The following PCDHGA7 variants were observed in gnomAD, a reference collection of about 807,000 sequenced individuals.
The protein encoded by PCDHGA7 is protocadherin gamma-A7.
In PCDHGA7, 44 loss-of-function variants were observed where a neutral mutation model predicts 58.3. The observed-to-expected ratio is 0.75, with a 90% CI of 0.59 to 0.97. PCDHGA7 has a LOEUF of 0.97. Ranked by LOEUF, PCDHGA7 falls within the 50% of genes least tolerant of loss-of-function variation. The pLI is 0.00. For missense variants in PCDHGA7, 1,266 were observed against 1,188.7 expected, an observed-to-expected ratio of 1.06 and a Z score of -0.96; for synonymous variants, 516 against 504.2, an observed-to-expected ratio of 1.02 and a Z score of -0.31.
At position 141,432,595 on chromosome 5, in the gene PCDHGA7, C is replaced by G; in HGVS notation, c.2424+47272C>G. 6.2e-7 allele frequency: 1 copy of G among 1,613,756 alleles called. No individual in the cohort carries two copies. Among genetic ancestry groups the G allele is most frequent in the Admixed American group, 1.7e-5 (1 of 60,018 alleles). ...TGTCCTACCGTCTGCTCAAGGCCAG[C>G]GAGCCGGGACTCTTCTCGGTGGGTC... On this transcript the variant is annotated intron_variant, in intron 1 of 3. Transcript: ENST00000518325. This position sits in a 1 kb window ranked among gnomAD's most constrained non-coding sequence, Gnocchi z 6.0.
intron 1 of PCDHGA7, chr5:141,386,080 T>C (rs752371819): frequency 1.3e-5 from 2 of 152,248 alleles, no homozygotes; most frequent in Non-Finnish European, 2.9e-5. Flanking sequence ...GTTTTAGTGG[T>C]ACAGCCAGAT....
At chr5:141,445,805 A>G (rs2098478274) in intron 1 of PCDHGA7, among the ~76,000 whole-genome samples, 2 of 152,236 alleles carry the variant, frequency 1.3e-5, no homozygotes, top group South Asian at 4.1e-4. Flanking sequence ...GAAAATAAAT[A>G]GATGAAACTA....
intron 1 of PCDHGA7, among the ~76,000 whole-genome samples, chr5:141,455,138 T>C (rs1393664563): frequency 6.6e-6 from 1 of 151,028 alleles, no homozygotes; most frequent in Non-Finnish European, 1.5e-5. Context: ...TTACACTGTG[T>C]TAAATAAATA....
intron 1 of PCDHGA7, 42 bp downstream of exon 1, chr5:141,385,365 G>C: frequency 6.5e-7 from 1 of 1,539,374 alleles, no homozygotes; most frequent in Non-Finnish European, 8.7e-7. Flanking sequence ...GAATTTATTT[G>C]CATGATATTT....
intron 1 of PCDHGA7, chr5:141,405,320 C>A (rs1183399090): frequency 6.2e-7 from 1 of 1,614,188 alleles, no homozygotes; most frequent in South Asian, 1.1e-5. Flanking sequence ...GAAAAATGAG[C>A]CTTTGTGCGT....
intron 1 of PCDHGA7, among the ~76,000 whole-genome samples, chr5:141,466,800 C>T (rs189985735): frequency 6.6e-6 from 1 of 152,240 alleles, no homozygotes; most frequent in East Asian, 1.9e-4. Context: ...AAACTAGATC[C>T]TATTCAGACA....
At chr5:141,422,111 T>A (rs763658255) in intron 1 of PCDHGA7, 1 of 1,606,408 alleles carries the variant, frequency 6.2e-7, no homozygotes, top group Admixed American at 1.7e-5. Context: ...ATATTCCAAT[T>A]GGATTCACAA....
chr5:141,419,651 TC>T, intron 1 of PCDHGA7: 28 of 1,612,632 alleles, frequency 1.7e-5, no homozygotes, highest in Non-Finnish European at 2.3e-5. Flanking sequence ...GGACGCGGAC[TC>T]GGGGCACAAT....
chr5:141,488,450 C>T (rs2154581002), intron 1 of PCDHGA7, among the ~76,000 whole-genome samples: 1 of 152,314 alleles, frequency 6.6e-6, no homozygotes, highest in East Asian at 1.9e-4. Context: ...TCCTGGGTGA[C>T]CTGATTCAGC....
In PCDHGA7 at chr5:141,485,615, C is replaced by G; in HGVS notation, c.2425-9192C>G. ...CTTGGAAATTGGGGAGGCAGCTCCTCCAGGACAGCGTTTCCCGTTGGAAAA... is the reference window on the plus strand; with the variant it reads ...CTTGGAAATTGGGGAGGCAGCTCCTGCAGGACAGCGTTTCCCGTTGGAAAA... On this transcript the variant is annotated intron_variant, in intron 1 of 3. Coordinates refer to ENST00000518325, the MANE Select transcript of PCDHGA7 (RefSeq NM_018920.4). This position sits in a 1 kb window ranked among gnomAD's most constrained non-coding sequence, Gnocchi z 5.7. 6.2e-7 allele frequency: 1 copy of G among 1,612,250 alleles called. No individual in the cohort carries two copies. The highest frequency in any genetic ancestry group is 1.3e-5 in the African/African-American group (1 of 74,992).
chr5:141,423,762 G>GT, intron 1 of PCDHGA7: 1 of 264,254 alleles, frequency 3.8e-6, no homozygotes, highest in Non-Finnish European at 5.6e-6. Context: ...GGGGGGGGGT[G>GT]GGGCGGCATA....
chr5:141,447,299 C>A (rs543731556), intron 1 of PCDHGA7, among the ~76,000 whole-genome samples: 38 of 152,102 alleles, frequency 2.5e-4, no homozygotes, highest in Middle Eastern at 6.8e-3. Context: ...GCCACCACAC[C>A]CGGCTAATTT....
chr5:141,468,903 C>T (rs1265804352), intron 1 of PCDHGA7, among the ~76,000 whole-genome samples: 1 of 151,614 alleles, frequency 6.6e-6, no homozygotes, highest in Non-Finnish European at 1.5e-5. Context: ...CTAATATGAT[C>T]CAGACTAGAA....
intron 1 of PCDHGA7, chr5:141,478,182 AT>A: frequency 6.2e-7 from 1 of 1,613,984 alleles, no homozygotes. Context: ...CAGAAAAAAA[AT>A]CTCACCTTTT....
Position 141,410,368 on chromosome 5 carries a change from T to C in PCDHGA7, c.2424+25045T>C, listed in dbSNP as rs751198926. 5.6e-6 allele frequency: 9 copies of C among 1,613,956 alleles called. No homozygotes were observed. The African/African-American group carries it at 1.2e-4, about 22-fold the overall frequency. On this transcript the variant is annotated intron_variant, in intron 1 of 3. Coordinates refer to ENST00000518325, the MANE Select transcript of PCDHGA7 (RefSeq NM_018920.4). Reference sequence around the variant, plus strand: ...GCCTGCGACGCTCTCTCAGCCCTGCTACTTGGGACTGCTTCCATCCTGGTC... The same window carrying C: ...GCCTGCGACGCTCTCTCAGCCCTGCCACTTGGGACTGCTTCCATCCTGGTC...
At chr5:141,447,884 G>A (rs1324802340) in intron 1 of PCDHGA7, among the ~76,000 whole-genome samples, 1 of 152,024 alleles carries the variant, frequency 6.6e-6, no homozygotes, top group Non-Finnish European at 1.5e-5. Context: ...TCAGGAGTTC[G>A]AGACCAGCCT....
chr5:141,409,857 T>C (rs761331515), intron 1 of PCDHGA7: 2 of 1,612,228 alleles, frequency 1.2e-6, no homozygotes, highest in African/African-American at 2.7e-5. Context: ...CGCGTGTTGG[T>C]GGGAGACCGC....
chr5:141,466,468 T>C (rs1266315455), intron 1 of PCDHGA7, among the ~76,000 whole-genome samples: 1 of 152,368 alleles, frequency 6.6e-6, no homozygotes, highest in East Asian at 1.9e-4. Flanking sequence ...TTGTTTCTGC[T>C]GTTAATTGTA....
intron 1 of PCDHGA7, among the ~76,000 whole-genome samples, chr5:141,467,055 C>CTTTTTTTTTTTTTTTTTTT (rs1193465269): frequency 7.4e-6 from 1 of 134,498 alleles, no homozygotes; most frequent in Non-Finnish European, 1.6e-5. Context: ...TCAATGTTTT[C>CTTTTTTTTTTTTTTTTTTT]TTTTTTTTTT....
Sources: gnomAD v4.1 joint callset for allele counts (sites outside exome capture counted in the v4.1 genomes callset) on GRCh38, gnomAD v4.1.1 for gene constraint, Gnocchi (gnomAD v3.1) non-coding constraint, MANE v1.5 for transcripts, NCBI Gene and HGNC (gene_info 2026-07-23, HGNC 2026-07-21) for gene names.